Variants in ATCAY observed in about 807,000 individuals in gnomAD.
ATCAY encodes ATCAY kinesin light chain interacting caytaxin.
ATCAY carries 22 observed loss-of-function variants against 47.7 expected under a neutral mutation model. The ratio of observed to expected loss-of-function variants is 0.46; its 90% CI spans 0.33 to 0.66. The LOEUF is 0.66. ATCAY is among the 30% of genes least tolerant of loss of function. The pLI is 0.02. For missense variants in ATCAY, 452 were observed against 515.0 expected (o/e 0.88, Z 1.18); for synonymous variants, 216 against 207.6 (o/e 1.04, Z -0.35).
rs377339849 is a variant in ATCAY at position 3,910,540 on chromosome 19, A to G, written c.780-263A>G. Among the ~76,000 whole-genome samples the G allele has an allele frequency of 1.1e-3, 168 of 152,042 alleles. 2 individuals carry two copies. Among genetic ancestry groups the G allele is most frequent in the African/African-American group, 3.5e-3 (147 of 41,466 alleles). ...ATCTTGGCTGCTCAAATAACTACCA[A>G]CCTGGTTCACCTGCTCTGCACCATG... is the stretch of plus-strand genomic sequence containing the variant. On this transcript the variant is annotated intron_variant, in intron 7 of 12. Transcript: ENST00000450849.
chr19:3,887,473 T>TA (rs1311498640), intron 2 of ATCAY, among the ~76,000 whole-genome samples: 5 of 150,328 alleles, frequency 3.3e-5, no homozygotes, highest in Non-Finnish European at 7.4e-5. Context: ...TATTTTATTT[T>TA]TTTTATTTTA....
In ATCAY at chr19:3,913,876, AC is replaced by A; in HGVS notation, c.965+24del. 1.3e-6 allele frequency: 2 copies of A among 1,524,348 alleles called. No individual in the cohort carries two copies. The highest frequency in any genetic ancestry group is 1.8e-6 in the Non-Finnish European group (2 of 1,128,156). 94.4% of individuals were successfully genotyped at this position (1,524,348 alleles called of 1,614,324 possible). ...CCTGCAGTGAGTGGCCCCACAGTCC[AC>A]CCCGCCGTATTAGTCTGTTTTCGTG... On this transcript the variant is annotated intron_variant, in intron 9 of 12. Transcript: ENST00000450849.
At position 3,917,922 on chromosome 19, in the gene ATCAY, CTT is replaced by C. The variant is rs1459114867; in HGVS notation, c.1001+147_1001+148del. 3 of 801,334 alleles carry C rather than the reference CTT, an allele frequency of 3.7e-6. No homozygotes were observed. The African/African-American group carries it at 5.3e-5, about 14-fold the overall frequency. The allele number at this position is 801,334 out of a possible 1,614,324, so 49.6% of individuals were successfully genotyped here. Reference sequence around the variant, plus strand: ...CAAGACGCTGCCCTTCTGGCAAGGACTTTAAACTCAGACCTGGGTTCAAATAC... The same window carrying C: ...CAAGACGCTGCCCTTCTGGCAAGGACTAAACTCAGACCTGGGTTCAAATAC... On this transcript the variant is annotated intron_variant, in intron 10 of 12. Coordinates refer to ENST00000450849, the MANE Select transcript of ATCAY (RefSeq NM_033064.5).
At chr19:3,917,592 A>G (rs2038977026) in intron 9 of ATCAY, 150 bp from the exon 10 acceptor site, 2 of 840,562 alleles carry the variant, frequency 2.4e-6, no homozygotes, top group Admixed American at 6.1e-5. Context: ...CTCAAAAAAA[A>G]AAAAAAAAAA....
At chr19:3,913,972 C>T (rs1174115885) in intron 9 of ATCAY, 116 bp downstream of exon 9, 1 of 852,314 alleles carries the variant, frequency 1.2e-6, no homozygotes, top group Non-Finnish European at 1.9e-6. Context: ...CGCGGTGGCT[C>T]CTGCCTGTAA....
chr19:3,920,969 G>A (rs2039013055), intron 12 of ATCAY, 171 bp downstream of exon 12: 3 of 761,932 alleles, frequency 3.9e-6, no homozygotes, highest in Non-Finnish European at 6.6e-6. Flanking sequence ...GGGAGTGGGG[G>A]ATACGGCACC....
Position 3,907,819 on chromosome 19 carries a change from C to T in ATCAY, c.444C>T (p.Ala148=), listed in dbSNP as rs760388554. 89 of 1,613,836 alleles carry T rather than the reference C, an allele frequency of 5.5e-5. No individual in the cohort carries two copies. The Admixed American group carries it at 9.2e-4, about 17-fold the overall frequency. Residue 148 remains alanine (A), a synonymous_variant, in exon 5 of 13, where the codon GCC becomes GCT. Transcript: ENST00000450849. This position sits in a 1 kb window ranked among gnomAD's most constrained non-coding sequence, Gnocchi z 5.1. The stretch of plus-strand genomic sequence containing the variant: ...ACGGCACGACGGAGGACGGCAGCGC[C>T]GCCAACGGGCGCCTGTGGCGGACAG... ...FGDGTTEDGS[A]ANGRLWRTVI...
chr19:3,895,193 G>C (rs1423237512), intron 2 of ATCAY: 2 of 455,286 alleles, frequency 4.4e-6, no homozygotes, highest in Admixed American at 4.7e-5. Context: ...GCTGGAAACT[G>C]TCAGGTAAGA....
intron 11 of ATCAY, among the ~76,000 whole-genome samples, chr19:3,919,493 G>A (rs1292171287): frequency 6.6e-6 from 1 of 152,022 alleles, no homozygotes; most frequent in Non-Finnish European, 1.5e-5. Flanking sequence ...TTGGAAGGCT[G>A]AGGCAGGAGA....
At position 3,926,390 on chromosome 19, in the gene ATCAY, CTA is replaced by C. The variant is rs1211473499; in HGVS notation, c.*1800_*1801del. 2.6e-5 allele frequency: 4 copies of C among 152,260 alleles called. No individual in the cohort carries two copies. Among genetic ancestry groups the C allele is most frequent in the African/African-American group, 9.6e-5 (4 of 41,464 alleles). 9.4% of individuals were successfully genotyped at this position (152,260 alleles called of 1,614,324 possible). ...CCTCTAATCCTAAATGTCTTCATGT[CTA>C]TCAGTCTGAGCAGACGGTGAGTAGG... On this transcript the variant is annotated 3_prime_UTR_variant, in exon 13 of 13. Coordinates refer to ENST00000450849, the MANE Select transcript of ATCAY (RefSeq NM_033064.5).
intron 2 of ATCAY, among the ~76,000 whole-genome samples, chr19:3,895,506 C>T (rs979493579): frequency 6.6e-5 from 10 of 151,926 alleles, no homozygotes; most frequent in Non-Finnish European, 2.9e-5. Context: ...TGAGCCACCG[C>T]GCCTGGCCCC....
At chr19:3,920,076 GCT>G in intron 11 of ATCAY, among the ~76,000 whole-genome samples, 1 of 152,308 alleles carries the variant, frequency 6.6e-6, no homozygotes, top group African/African-American at 2.4e-5. Flanking sequence ...GGGCACTGTG[GCT>G]CACGCCTGTA....
At chr19:3,902,050 C>T (rs146606173) in intron 2 of ATCAY, among the ~76,000 whole-genome samples, 8 of 151,772 alleles carry the variant, frequency 5.3e-5, no homozygotes, top group African/African-American at 1.7e-4. Flanking sequence ...TGGTGGCTCA[C>T]GCCCGTAATC....
chr19:3,913,946 G>A, intron 9 of ATCAY, 90 bp downstream of exon 9: 1 of 1,220,034 alleles, frequency 8.2e-7, no homozygotes, highest in Non-Finnish European at 1.2e-6. Flanking sequence ...TTACAAAAGA[G>A]GTTTAAGGGG....
At chr19:3,892,406 G>T (rs566234106) in intron 2 of ATCAY, among the ~76,000 whole-genome samples, 48 of 151,918 alleles carry the variant, frequency 3.2e-4, no homozygotes, top group Admixed American at 7.9e-4. Flanking sequence ...TCACTGTGTT[G>T]CCCAGGTTGG....
intron 6 of ATCAY, among the ~76,000 whole-genome samples, chr19:3,909,203 C>CTCTA (rs2038900488): frequency 7.2e-6 from 1 of 139,760 alleles, no homozygotes; most frequent in African/African-American, 2.6e-5. Context: ...CACCACTGCA[C>CTCTA]TCTAGCCTGG....
At chr19:3,889,517 GA>G (rs1256942980) in intron 2 of ATCAY, among the ~76,000 whole-genome samples, 1 of 152,100 alleles carries the variant, frequency 6.6e-6, no homozygotes, top group African/African-American at 2.4e-5. Flanking sequence ...GGATTGTTTG[GA>G]CTTGGGACAT....
chr19:3,906,395 C>T (rs1021141814), intron 4 of ATCAY, among the ~76,000 whole-genome samples: 31 of 151,258 alleles, frequency 2.0e-4, no homozygotes, highest in East Asian at 6.0e-4. Flanking sequence ...CTCCACCTCC[C>T]GGGTTCAAGC....
At chr19:3,921,220 C>T (rs542458879) in intron 12 of ATCAY, among the ~76,000 whole-genome samples, 22 of 152,122 alleles carry the variant, frequency 1.4e-4, no homozygotes, top group Non-Finnish European at 2.9e-4. Flanking sequence ...CCAAGAAAAG[C>T]CTCCCTGTGG....
Sources: allele counts gnomAD v4.1 joint callset (sites outside exome capture counted in the v4.1 genomes callset), GRCh38; gene constraint gnomAD v4.1.1; non-coding constraint Gnocchi (gnomAD v3.1); transcripts MANE v1.5; gene names NCBI Gene and HGNC (gene_info 2026-07-23, HGNC 2026-07-21).